The following RUNX1 variants were observed in gnomAD, a reference collection of about 807,000 sequenced individuals.
The protein encoded by RUNX1 is runt-related transcription factor 1.
In RUNX1, 19 loss-of-function variants were observed where a neutral mutation model predicts 42.8. The observed-to-expected ratio is 0.44, with a 90% CI of 0.31 to 0.65. The LOEUF is 0.65. Ranked by LOEUF, RUNX1 falls within the 30% of genes least tolerant of loss-of-function variation. RUNX1 has a pLI of 0.07. For synonymous variants in RUNX1, 271 were observed against 289.4 expected (o/e 0.94, Z 0.64); for missense variants, 528 against 672.0 (o/e 0.79, Z 2.37).
At chr21:34,943,883 C>T (rs544020399) in intron 2 of RUNX1, among the ~76,000 whole-genome samples, 2 of 152,036 alleles carry the variant, frequency 1.3e-5, no homozygotes, top group Admixed American at 1.3e-4. Context: ...AGAGATTTGC[C>T]GATATAGAGC....
intron 2 of RUNX1, among the ~76,000 whole-genome samples, chr21:34,986,679 G>A (rs537695791): frequency 5.0e-4 from 76 of 151,738 alleles, no homozygotes; most frequent in South Asian, 1.7e-3. Context: ...CTGGAGTAAT[G>A]CAAAGATGAC....
chr21:34,995,017 G>C (rs1433573007), intron 2 of RUNX1, among the ~76,000 whole-genome samples: 1 of 152,234 alleles, frequency 6.6e-6, no homozygotes, highest in Non-Finnish European at 1.5e-5. Flanking sequence ...AGGAGAACAT[G>C]AATCAGCCCC....
chr21:34,848,960 T>A (rs1489232562), intron 6 of RUNX1, among the ~76,000 whole-genome samples: 1 of 151,988 alleles, frequency 6.6e-6, no homozygotes, highest in African/African-American at 2.4e-5. Context: ...TACTCTTTAT[T>A]TTAAATAATC....
intron 2 of RUNX1, among the ~76,000 whole-genome samples, chr21:34,934,448 G>C (rs2058470795): frequency 6.6e-6 from 1 of 152,204 alleles, no homozygotes; most frequent in South Asian, 2.1e-4. Context: ...TTCAACAAAG[G>C]GGAGCAGAAT....
intron 2 of RUNX1, among the ~76,000 whole-genome samples, chr21:34,957,868 T>C (rs377014762): frequency 4.6e-5 from 7 of 152,292 alleles, no homozygotes; most frequent in Admixed American, 3.3e-4. Context: ...GGCAGTTTAC[T>C]CTATGGCTTC....
chr21:35,006,400 C>G (rs2056679707), intron 2 of RUNX1, among the ~76,000 whole-genome samples: 1 of 152,166 alleles, frequency 6.6e-6, no homozygotes, highest in Non-Finnish European at 1.5e-5. Context: ...CCACACTACT[C>G]TCTCTCCCCC....
chr21:34,956,769 T>TCTC (rs1266793477), intron 2 of RUNX1, among the ~76,000 whole-genome samples: 1 of 152,148 alleles, frequency 6.6e-6, no homozygotes, highest in Non-Finnish European at 1.5e-5. Context: ...TCCTGCTCGT[T>TCTC]CTCCTCCTCT....
intron 2 of RUNX1, among the ~76,000 whole-genome samples, chr21:34,914,241 T>C (rs988553988): frequency 2.6e-5 from 4 of 152,160 alleles, no homozygotes; most frequent in African/African-American, 9.7e-5. Flanking sequence ...CATTCCATGA[T>C]AGAAGAATTA....
At chr21:34,872,559 GT>G (rs1396003265) in intron 5 of RUNX1, among the ~76,000 whole-genome samples, 3 of 152,220 alleles carry the variant, frequency 2.0e-5, no homozygotes, top group Admixed American at 6.5e-5. Context: ...TTAAAAATAA[GT>G]TTTTCATAAA....
Position 34,980,423 on chromosome 21 carries a change from G to A in RUNX1, c.58+68419C>T, listed in dbSNP as rs180962487. Among the ~76,000 whole-genome samples, 104 of 152,260 alleles carry A rather than the reference G, an allele frequency of 6.8e-4. 1 individual carries two copies. Among genetic ancestry groups the A allele is most frequent in the African/African-American group, 2.5e-3 (102 of 41,530 alleles). ...TCTGCCTGTGAAGATAGGAGGAGCT[G>A]GGTCTTGTTTCAAATTATGAGGGTG... On this transcript the variant is annotated intron_variant, in intron 2 of 8. Transcript: ENST00000675419.
chr21:34,839,347 T>C (rs887688274), intron 6 of RUNX1, among the ~76,000 whole-genome samples: 1 of 139,966 alleles, frequency 7.1e-6, no homozygotes, highest in African/African-American at 2.8e-5. Context: ...AATTCAACAC[T>C]CACCGACACA....
chr21:34,943,928 A>G lies in RUNX1; in HGVS notation c.59-50965T>C, dbSNP rs368073023. On this transcript the variant is annotated intron_variant, in intron 2 of 8. Transcript: ENST00000675419. ...TATCACACCCTTTCTCTTTTCCCCA[A>G]ATCTTTTCCTTTTTAATAGCGTAGG... 2.2e-4 allele frequency among the ~76,000 whole-genome samples: 33 copies of G among 152,286 alleles called. No homozygotes were observed. The East Asian group carries it at 3.5e-3, about 16-fold the overall frequency.
rs564400052 is a variant in RUNX1 at position 34,988,078 on chromosome 21, CCT to C, written c.58+60762_58+60763del. ...AATTCACTCTGTAAATTTCTAGCAT[CCT>C]ATAATTGTAGACAAGTCAGTATGCG... On this transcript the variant is annotated intron_variant, in intron 2 of 8. Coordinates refer to ENST00000675419, the MANE Select transcript of RUNX1 (RefSeq NM_001754.5). Among the ~76,000 whole-genome samples, 12 of 152,292 alleles carry C rather than the reference CCT, an allele frequency of 7.9e-5. No individual in the cohort carries two copies. In the East Asian group the frequency reaches 1.9e-3, roughly 24 times the overall value.
rs559485414 is a variant in RUNX1, at chr21:34,974,953, G to A, written c.58+73889C>T. ...AATTTTAACTTATTAAGTTCTCACC[G>A]TATTTTATAGATGTGGAAACTAGGC... On this transcript the variant is annotated intron_variant, in intron 2 of 8. Transcript: ENST00000675419. Among the ~76,000 whole-genome samples the A allele has an allele frequency of 1.6e-4, 25 of 152,264 alleles. No individual in the cohort carries two copies. The South Asian group carries it at 2.1e-3, about 13-fold the overall frequency.
chr21:34,942,208 C>T (rs781737988), intron 2 of RUNX1, among the ~76,000 whole-genome samples: 3 of 151,894 alleles, frequency 2.0e-5, no homozygotes, highest in Non-Finnish European at 4.4e-5. Context: ...GGCTAGATCC[C>T]AGTGTTGGTT....
chr21:35,026,090 T>C (rs1321554043), intron 2 of RUNX1, among the ~76,000 whole-genome samples: 4 of 152,214 alleles, frequency 2.6e-5, no homozygotes, highest in African/African-American at 4.8e-5. Context: ...CCAACAGGCA[T>C]CATCTTCTGT....
intron 3 of RUNX1, chr21:34,887,669 G>A (rs992602796): frequency 3.7e-6 from 4 of 1,075,322 alleles, no homozygotes; most frequent in Admixed American, 4.7e-5. Context: ...GACTTCCAAA[G>A]GTAGTGCTAC....
intron 2 of RUNX1, among the ~76,000 whole-genome samples, chr21:35,005,145 A>G (rs926337164): frequency 6.6e-6 from 1 of 151,626 alleles, no homozygotes; most frequent in Non-Finnish European, 1.5e-5. Flanking sequence ...TTTTTATTAG[A>G]GTTGAATTTC....
chr21:34,925,516 G>A (rs2058386322), intron 2 of RUNX1, among the ~76,000 whole-genome samples: 1 of 152,192 alleles, frequency 6.6e-6, no homozygotes, highest in Non-Finnish European at 1.5e-5. Context: ...AGACTGAAGT[G>A]ATGCAGTTAC....
Sources: gnomAD v4.1 joint callset for allele counts (sites outside exome capture counted in the v4.1 genomes callset) on GRCh38, gnomAD v4.1.1 for gene constraint, MANE v1.5 for transcripts, NCBI Gene and HGNC (gene_info 2026-07-23, HGNC 2026-07-21) for gene names.